Variants in RASA3 observed in about 807,000 individuals in gnomAD.
The protein encoded by RASA3 is RAS p21 protein activator 3, also known as ras GTPase-activating protein 3.
RASA3 carries 73 observed loss-of-function variants against 110.0 expected under a neutral mutation model. That is an observed-to-expected ratio of 0.66 (90% CI 0.55 to 0.81). The LOEUF is 0.81. Ranked by LOEUF, RASA3 falls within the 30% of genes least tolerant of loss-of-function variation. RASA3 has a pLI of 0.00. For synonymous variants in RASA3, 500 were observed against 451.4 expected (o/e 1.11, Z -1.37); for missense variants, 976 against 1,113.2 (o/e 0.88, Z 1.75).
At chr13:114,013,347 C>A in intron 14 of RASA3, 99 bp from the exon 15 acceptor site, 1 of 778,970 alleles carries the variant, frequency 1.3e-6, no homozygotes, top group Non-Finnish European at 2.1e-6. Context: ...GGAAGTCCAG[C>A]CACAGTCCTG....
intron 13 of RASA3, 56 bp downstream of exon 13, chr13:114,016,141 G>A (rs1172226108): frequency 8.2e-6 from 12 of 1,468,360 alleles, no homozygotes; most frequent in East Asian, 4.6e-5. Flanking sequence ...GGCAGCCATC[G>A]GCTGAAAAAC....
In RASA3 at chr13:114,126,920, C is replaced by T. The variant is rs78763717; in HGVS notation, c.55+5515G>A. ...TCGGGTGTCTGATTCCAAGTGGGTT[C>T]GCTACGTCCACGTCTCCCCCGAGGG... On this transcript the variant is annotated intron_variant, in intron 1 of 23. Coordinates refer to ENST00000334062, the MANE Select transcript of RASA3 (RefSeq NM_007368.4). Among the ~76,000 whole-genome samples, 1,377 of 152,016 alleles carry T rather than the reference C, an allele frequency of 9.1e-3. 113 individuals carry two copies. In the East Asian group the frequency reaches 0.2, roughly 22 times the overall value.
At chr13:114,018,059 T>C (rs1276251391) in intron 11 of RASA3, 45 bp downstream of exon 11, 10 of 1,451,366 alleles carry the variant, frequency 6.9e-6, no homozygotes, top group Middle Eastern at 2.0e-4. Flanking sequence ...GCCATCCCTG[T>C]AGCGGGTCCA....
rs1317625010 is a variant in RASA3, at chr13:114,011,886, C to T, written c.1513-638G>A. On this transcript the variant is annotated intron_variant, in intron 15 of 23. Transcript: ENST00000334062. This position sits in a 1 kb window ranked among gnomAD's most constrained non-coding sequence, Gnocchi z 4.8. ...GCAGTGAGCTGAGATGGTACCACTGCACGCCAGCCTGGTGACAGAGCAAGA... is the reference window on the plus strand; with the variant it reads ...GCAGTGAGCTGAGATGGTACCACTGTACGCCAGCCTGGTGACAGAGCAAGA... 6.6e-6 allele frequency among the ~76,000 whole-genome samples: 1 copy of T among 151,978 alleles called. No homozygotes were observed. The highest frequency in any genetic ancestry group is 1.5e-5 in the Non-Finnish European group (1 of 67,994).
chr13:113,979,063 A>G lies in RASA3; in HGVS notation c.*284T>C, dbSNP rs1007926939. On this transcript the variant is annotated 3_prime_UTR_variant, in exon 24 of 24. Transcript: ENST00000334062. The stretch of plus-strand genomic sequence containing the variant: ...GTGGTGTGGCTAGGGCACAGCCCAC[A>G]CTTCCTGATCCTTCAGCTGATCCCC... The G allele has an allele frequency of 2.1e-6, 1 of 465,770 alleles. No homozygotes were observed. Among genetic ancestry groups the G allele is most frequent in the African/African-American group, 2.0e-5 (1 of 50,954 alleles). 28.9% of individuals were successfully genotyped at this position (465,770 alleles called of 1,614,324 possible).
At position 114,030,031 on chromosome 13, in the gene RASA3, A is replaced by G. The variant is rs978922093; in HGVS notation, c.373-144T>C. ...GCCAATGGGCACGTCCAGCCCCTCCACTCCACCCCCGGGACGCAGGGTCCC... is the reference window on the plus strand; with the variant it reads ...GCCAATGGGCACGTCCAGCCCCTCCGCTCCACCCCCGGGACGCAGGGTCCC... On this transcript the variant is annotated intron_variant, in intron 4 of 23. Transcript: ENST00000334062. 4.1e-5 allele frequency: 29 copies of G among 703,766 alleles called. No homozygotes were observed. The Admixed American group carries it at 6.4e-4, about 16-fold the overall frequency. The allele number at this position is 703,766 out of a possible 1,614,324, so 43.6% of individuals were successfully genotyped here. A position where few individuals can be genotyped will look rare whatever the true frequency, so the allele number is the denominator to read the frequency against.
intron 2 of RASA3, among the ~76,000 whole-genome samples, chr13:114,060,451 G>A (rs755623769): frequency 1.3e-5 from 2 of 152,232 alleles, no homozygotes; most frequent in Admixed American, 6.5e-5. Flanking sequence ...AGCCTCCACA[G>A]GTGGGGCTTT....
chr13:114,119,394 G>A (rs2080334669), intron 1 of RASA3, among the ~76,000 whole-genome samples: 1 of 152,186 alleles, frequency 6.6e-6, no homozygotes, highest in South Asian at 2.1e-4. Context: ...AATTCAGGAA[G>A]CGGTACGGAG....
At chr13:113,993,471 C>T (rs1270204647) in intron 21 of RASA3, among the ~76,000 whole-genome samples, 4 of 151,946 alleles carry the variant, frequency 2.6e-5, no homozygotes, top group East Asian at 3.9e-4. Context: ...CCACTGAGCC[C>T]GGCCTCATGT....
chr13:114,052,948 G>A (rs373003657), intron 2 of RASA3, among the ~76,000 whole-genome samples: 20 of 104,590 alleles, frequency 1.9e-4, no homozygotes, highest in South Asian at 6.1e-4. Flanking sequence ...TAGAGTCCTC[G>A]CTCCTGGGGG....
chr13:114,083,117 T>C (rs2079808636), intron 1 of RASA3, among the ~76,000 whole-genome samples: 1 of 152,272 alleles, frequency 6.6e-6, no homozygotes, highest in Admixed American at 6.5e-5. Context: ...TCTTCTGGCT[T>C]TCACACTGGG....
intron 2 of RASA3, among the ~76,000 whole-genome samples, chr13:114,061,145 C>T (rs998048877): frequency 3.3e-5 from 5 of 152,132 alleles, no homozygotes; most frequent in East Asian, 3.8e-4. Context: ...GCAAATATTT[C>T]GAGGGAATAC....
chr13:114,000,702 G>A, intron 19 of RASA3, 124 bp downstream of exon 19: 1 of 742,292 alleles, frequency 1.3e-6, no homozygotes, highest in Non-Finnish European at 2.3e-6. Flanking sequence ...GGTCACCGCG[G>A]CCCCGGGCTC....
At chr13:114,092,588 C>G (rs760934374) in intron 1 of RASA3, among the ~76,000 whole-genome samples, 1 of 152,158 alleles carries the variant, frequency 6.6e-6, no homozygotes, top group African/African-American at 2.4e-5. Context: ...AACCTATAGT[C>G]TATCCTGGAG....
In RASA3 at chr13:114,112,106, C is replaced by CCCA. The variant is rs386380801; in HGVS notation, c.55+20328_55+20329insTGG. Among the ~76,000 whole-genome samples, 3 of 151,982 alleles carry CCCA rather than the reference C, an allele frequency of 2.0e-5. No homozygotes were observed. The East Asian group carries it at 5.8e-4, about 29-fold the overall frequency. On this transcript the variant is annotated intron_variant, in intron 1 of 23. Transcript: ENST00000334062. The surrounding 1 kb of genome is among the most constrained non-coding windows in gnomAD (Gnocchi z 4.8). ...AAACAGCAGCCCCCAGGCACCCCCC[C>CCCA]CAGCAACTGGGACAAGGGCACACCA...
intron 23 of RASA3, among the ~76,000 whole-genome samples, chr13:113,979,903 C>T (rs948031074): frequency 1.3e-5 from 2 of 151,612 alleles, no homozygotes; most frequent in Admixed American, 6.6e-5. Flanking sequence ...CATGTGTGTG[C>T]ACCTCCTCCT....
intron 18 of RASA3, among the ~76,000 whole-genome samples, chr13:114,001,789 G>A (rs1205580595): frequency 2.6e-5 from 4 of 152,194 alleles, no homozygotes; most frequent in African/African-American, 9.6e-5. Flanking sequence ...TGGGGCCGGG[G>A]CAGGCAGCAG....
intron 21 of RASA3, among the ~76,000 whole-genome samples, chr13:113,993,260 A>G (rs879787165): frequency 6.6e-6 from 1 of 151,882 alleles, no homozygotes; most frequent in Non-Finnish European, 1.5e-5. Context: ...ACTGAAACCT[A>G]CGCTTTCTGG....
intron 21 of RASA3, among the ~76,000 whole-genome samples, chr13:113,995,266 G>C (rs1356452956): frequency 1.3e-5 from 2 of 152,254 alleles, no homozygotes; most frequent in Admixed American, 1.3e-4. Flanking sequence ...GGGATGCGAG[G>C]ACATGGGAGA....
Sources: allele counts gnomAD v4.1 joint callset (sites outside exome capture counted in the v4.1 genomes callset), GRCh38; gene constraint gnomAD v4.1.1; non-coding constraint Gnocchi (gnomAD v3.1); transcripts MANE v1.5; gene names NCBI Gene and HGNC (gene_info 2026-07-23, HGNC 2026-07-21).